RP1: variants seen among roughly 807,000 people sequenced by gnomAD.
RP1 encodes the protein oxygen-regulated protein 1.
Under a neutral mutation model 14.8 loss-of-function variants are expected in RP1, and 16 were observed. The observed-to-expected ratio is 1.08, with a 90% CI of 0.73 to 1.65. RP1 has a LOEUF of 1.65. Ranked by LOEUF, RP1 falls within the 40% of genes most tolerant of loss-of-function variation. RP1 has a pLI of 0.00. For missense variants in RP1, 2,631 were observed against 2,535.0 expected, an observed-to-expected ratio of 1.04 and a Z score of -0.81; for synonymous variants, 876 against 883.6, an observed-to-expected ratio of 0.99 and a Z score of 0.15.
intron 7 of RP1, chr8:54,673,741 AAACAACAAC>A (rs4014240): frequency 1.2e-4 from 97 of 813,870 alleles, no homozygotes; most frequent in Non-Finnish European, 1.7e-4. Flanking sequence ...GCCTGTCTCA[AAACAACAAC>A]AACAACAACA....
intron 1 of RP1, among the ~76,000 whole-genome samples, chr8:54,587,013 G>A (rs1219381442): frequency 6.6e-6 from 1 of 152,290 alleles, no homozygotes; most frequent in African/African-American, 2.4e-5. Flanking sequence ...TGCACCTACT[G>A]TCTGACACTC....
chr8:54,561,610 A>C (rs188148830), intron 1 of RP1: 3 of 152,340 alleles, frequency 2.0e-5, no homozygotes, highest in Admixed American at 2.0e-4. Context: ...TGAACATCAC[A>C]GATGGTCAGC....
intron 4 of RP1, chr8:54,649,246 C>A: frequency 3.2e-6 from 3 of 951,188 alleles, no homozygotes; most frequent in Non-Finnish European, 4.2e-6. Flanking sequence ...ACACCATGTG[C>A]CCTGTAGAAG....
chr8:54,857,658 G>A lies in RP1; in HGVS notation c.4069+552G>A, dbSNP rs561047262. On this transcript the variant is annotated intron_variant, in intron 27 of 28. Coordinates refer to the RP1 transcript ENST00000637698. ...GGTGTGTGCATGCATGTGTGCATGC[G>A]TGTGTGTGATCTCCAGACACCCTGG... Among the ~76,000 whole-genome samples the A allele has an allele frequency of 1.9e-3, 288 of 152,148 alleles. 2 individuals are homozygous for A. Among genetic ancestry groups the A allele is most frequent in the Middle Eastern group, 0.014 (4 of 294 alleles).
chr8:54,689,498 C>G lies in RP1; in HGVS notation c.1717+9565C>G, dbSNP rs770390264. On this transcript the variant is annotated intron_variant, in intron 12 of 22. Coordinates refer to the RP1 transcript ENST00000636932. ...AGTTGGCATACCCAGCTCCTTCTTT[C>G]AAAGTCAATTACTAGGTTACAAAGG... Among the ~76,000 whole-genome samples, 54 of 152,172 alleles carry G rather than the reference C, an allele frequency of 3.5e-4. No individual in the cohort carries two copies. In the Middle Eastern group the frequency reaches 0.01, roughly 29 times the overall value.
upstream of RP1, among the ~76,000 whole-genome samples, chr8:54,612,362 G>A (rs1805619037): frequency 6.6e-6 from 1 of 152,326 alleles, no homozygotes; most frequent in East Asian, 1.9e-4. Context: ...TGCCTGCCAT[G>A]GGGCTGGGGG....
intron 19 of RP1, among the ~76,000 whole-genome samples, chr8:54,746,670 T>TA (rs1431848764): frequency 6.6e-6 from 1 of 152,232 alleles, no homozygotes; most frequent in Non-Finnish European, 1.5e-5. Context: ...TTCTTTTTTT[T>TA]ATTCTCTGGA....
At chr8:54,840,093 A>G (rs1326159382) in intron 25 of RP1, among the ~76,000 whole-genome samples, 1 of 152,102 alleles carries the variant, frequency 6.6e-6, no homozygotes, top group Non-Finnish European at 1.5e-5. Context: ...GGACCTATCT[A>G]TTCTATTCAC....
chr8:54,798,831 T>A (rs1810634722), intron 24 of RP1, among the ~76,000 whole-genome samples: 1 of 152,148 alleles, frequency 6.6e-6, no homozygotes, highest in South Asian at 2.1e-4. Context: ...TACTTGTACA[T>A]CTATATTAGT....
rs151328121 is a variant in RP1, at chr8:54,628,836, C to T, written c.4954C>T (p.Arg1652Cys). The T allele has an allele frequency of 2.5e-4, 409 of 1,614,008 alleles. 1 individual carries two copies. The African/African-American group carries it at 4.8e-3, about 19-fold the overall frequency. Residue 1652 changes from arginine (R) to cysteine (C), a missense_variant, in exon 4 of 4, where the codon CGC becomes TGC. Transcript: ENST00000220676. ...ACCATCTTTTTTTCCTGGGTCTACC[C>T]GCAAATCTCAGGTTTGTCCTTATAA... The part of the protein sequence containing the change: ...IKPSFFPGST[R>C]KSQVCPYNSV...
At chr8:54,649,968 A>G (rs1806623247) in intron 4 of RP1, among the ~76,000 whole-genome samples, 1 of 152,220 alleles carries the variant, frequency 6.6e-6, no homozygotes, top group Non-Finnish European at 1.5e-5. Context: ...TTGTGTTTAT[A>G]GTCACTAAAA....
intron 3 of RP1, among the ~76,000 whole-genome samples, chr8:54,644,083 G>A (rs1480341157): frequency 3.3e-5 from 5 of 152,000 alleles, no homozygotes; most frequent in Admixed American, 3.3e-4. Context: ...ATGCATCTCG[G>A]ACCAAAATTC....
intron 24 of RP1, among the ~76,000 whole-genome samples, chr8:54,813,331 A>G (rs918518413): frequency 6.6e-6 from 1 of 152,206 alleles, no homozygotes; most frequent in Non-Finnish European, 1.5e-5. Flanking sequence ...GACAGAGTTC[A>G]TTGAATAGCC....
intron 17 of RP1, among the ~76,000 whole-genome samples, chr8:54,731,239 GT>G (rs946850843): frequency 6.6e-6 from 1 of 151,808 alleles, no homozygotes; most frequent in African/African-American, 2.4e-5. Context: ...AACATTTTTT[GT>G]TTTTTTGGTC....
intron 24 of RP1, among the ~76,000 whole-genome samples, chr8:54,794,207 A>C (rs1333533469): frequency 6.6e-6 from 1 of 151,974 alleles, no homozygotes; most frequent in Non-Finnish European, 1.5e-5. Context: ...AATATAAAAA[A>C]CAATCCAAAA....
intron 15 of RP1, among the ~76,000 whole-genome samples, chr8:54,717,355 A>G (rs1808428790): frequency 6.6e-6 from 1 of 152,180 alleles, no homozygotes; most frequent in South Asian, 2.1e-4. Context: ...AGTAGGTAAG[A>G]GAGCCTTGGA....
chr8:54,652,933 T>A (rs1806686467), intron 5 of RP1: 5 of 1,089,094 alleles, frequency 4.6e-6, no homozygotes, highest in Non-Finnish European at 6.8e-6. Flanking sequence ...AGGAGTCAAC[T>A]CATCATGCCT....
intron 24 of RP1, among the ~76,000 whole-genome samples, chr8:54,835,743 T>A (rs1055637928): frequency 6.6e-6 from 1 of 152,186 alleles, no homozygotes; most frequent in Non-Finnish European, 1.5e-5. Context: ...TACAAGCAAC[T>A]AACTTTCAGA....
chr8:54,563,824 T>C (rs778963402), intron 1 of RP1, among the ~76,000 whole-genome samples: 11 of 152,154 alleles, frequency 7.2e-5, no homozygotes, highest in Non-Finnish European at 1.6e-4. Context: ...GTTGGGATTA[T>C]AGACATGAGC....
Sources: gnomAD v4.1 joint callset for allele counts (sites outside exome capture counted in the v4.1 genomes callset) on GRCh38, gnomAD v4.1.1 for gene constraint, MANE v1.5 for transcripts, NCBI Gene and HGNC (gene_info 2026-07-23, HGNC 2026-07-21) for gene names.